Variants in FLNB observed in about 807,000 individuals in gnomAD.
The protein encoded by FLNB is filamin-B.
Under a neutral mutation model 250.6 loss-of-function variants are expected in FLNB, and 111 were observed. That is an observed-to-expected ratio of 0.44 (90% CI 0.38 to 0.52). The LOEUF (loss-of-function observed/expected upper bound fraction) is 0.52, where lower values mean the gene tolerates loss of function less well. Ranked by LOEUF, FLNB falls within the 20% of genes least tolerant of loss-of-function variation. The probability of loss-of-function intolerance (pLI) is 0.00; values close to 1 mark genes in which losing one functional copy is unlikely to be tolerated. For missense variants in FLNB, 2,869 were observed against 3,447.8 expected (o/e 0.83, Z 4.20); for synonymous variants, 1,302 against 1,372.1 (o/e 0.95, Z 1.13).
At chr3:58,098,434 G>A (rs1409008684) in intron 7 of FLNB, among the ~76,000 whole-genome samples, 3 of 152,270 alleles carry the variant, frequency 2.0e-5, no homozygotes, top group Middle Eastern at 3.4e-3. Flanking sequence ...GGGTTCAAGC[G>A]ATTCTCATAC....
At chr3:58,020,048 GGTGTGT>G (rs373280518) in intron 1 of FLNB, among the ~76,000 whole-genome samples, 4,276 of 136,866 alleles carry the variant, frequency 0.031, 91 homozygotes, top group Middle Eastern at 0.045. Context: ...ACACCACAGG[GGTGTGT>G]GTGTGTGTGT....
At chr3:58,128,418 A>T (rs2097301371) in intron 24 of FLNB, among the ~76,000 whole-genome samples, 1 of 152,210 alleles carries the variant, frequency 6.6e-6, no homozygotes, top group African/African-American at 2.4e-5. Context: ...AAATTCCTAT[A>T]ATCACTAGTC....
chr3:58,094,175 G>A (rs759355334), intron 4 of FLNB, among the ~76,000 whole-genome samples: 24 of 152,222 alleles, frequency 1.6e-4, no homozygotes, highest in South Asian at 4.1e-4. Context: ...CACCTCCCTG[G>A]TTCAAGCAAT....
intron 4 of FLNB, among the ~76,000 whole-genome samples, chr3:58,093,899 T>G (rs1420975607): frequency 1.3e-5 from 2 of 152,204 alleles, no homozygotes; most frequent in Non-Finnish European, 2.9e-5. Context: ...ATTCCATTGA[T>G]GTGACGTTAC....
At chr3:58,145,793 G>A in intron 32 of FLNB, 128 bp from the exon 33 acceptor site, 1 of 1,125,038 alleles carries the variant, frequency 8.9e-7, no homozygotes, top group South Asian at 1.2e-5. Flanking sequence ...ATCTCCTTCT[G>A]TCTCTTCATG....
chr3:58,075,787 A>C (rs1175092176), intron 1 of FLNB, among the ~76,000 whole-genome samples: 1 of 152,224 alleles, frequency 6.6e-6, no homozygotes, highest in Non-Finnish European at 1.5e-5. Flanking sequence ...TAAGAGGTGG[A>C]GTCCAGGATA....
chr3:58,159,691 G>T lies in FLNB; in HGVS notation c.7021+5G>T. 6.2e-7 allele frequency: 1 copy of T among 1,612,890 alleles called. No homozygotes were observed. ...ACGTGTCTGAGCTGGAGCCAGGTGA[G>T]CAGGAGGCCTGCTGGGGGGTCCCAG... On this transcript the variant is annotated splice_donor_5th_base_variant and intron_variant, in intron 42 of 45. Coordinates refer to ENST00000295956, the MANE Select transcript of FLNB (RefSeq NM_001457.4).
chr3:58,084,672 C>T (rs1003725944), intron 4 of FLNB, among the ~76,000 whole-genome samples: 2 of 152,114 alleles, frequency 1.3e-5, no homozygotes, highest in Non-Finnish European at 2.9e-5. Flanking sequence ...AGTGTATTCA[C>T]GTTGTTGTGC....
chr3:58,149,631 G>A, intron 36 of FLNB: 1 of 605,018 alleles, frequency 1.7e-6, no homozygotes, highest in Non-Finnish European at 2.9e-6. Context: ...AGGCTTCTGT[G>A]GTCAAAACCA....
intron 1 of FLNB, among the ~76,000 whole-genome samples, chr3:58,035,801 G>T (rs2097137266): frequency 6.6e-6 from 1 of 152,190 alleles, no homozygotes; most frequent in East Asian, 1.9e-4. Flanking sequence ...AGCTAAAGGA[G>T]ACCACTCTTT....
intron 1 of FLNB, among the ~76,000 whole-genome samples, chr3:58,042,941 G>A (rs2097148197): frequency 6.6e-6 from 1 of 152,110 alleles, no homozygotes; most frequent in South Asian, 2.1e-4. Context: ...ATTAATCCCA[G>A]GAGGCCCAAT....
Position 58,100,065 on chromosome 3 carries a change from C to T in FLNB, c.1345+1157C>T, listed in dbSNP as rs560519617. ...TTTCTTAAGACACATTAAAGCCCTC[C>T]GAGGAAGTCCTGTCATTGTATTGTG... is the stretch of plus-strand genomic sequence containing the variant. On this transcript the variant is annotated intron_variant, in intron 8 of 45. Coordinates refer to ENST00000295956, the MANE Select transcript of FLNB (RefSeq NM_001457.4). Among the ~76,000 whole-genome samples the T allele has an allele frequency of 7.2e-5, 11 of 152,048 alleles. No homozygotes were observed. The East Asian group carries it at 7.7e-4, about 11-fold the overall frequency.
intron 43 of FLNB, among the ~76,000 whole-genome samples, chr3:58,167,758 C>T (rs913119647): frequency 6.6e-6 from 1 of 152,362 alleles, no homozygotes; most frequent in Admixed American, 6.5e-5. Context: ...CTCCCTGAGC[C>T]GCAGAGTCAT....
chr3:58,014,028 A>G (rs994053394), intron 1 of FLNB, among the ~76,000 whole-genome samples: 1 of 152,180 alleles, frequency 6.6e-6, no homozygotes, highest in African/African-American at 2.4e-5. Context: ...GATAATAACT[A>G]CCTTCTTAAA....
chr3:58,028,598 A>C (rs1022123538), intron 1 of FLNB, among the ~76,000 whole-genome samples: 5 of 143,926 alleles, frequency 3.5e-5, no homozygotes, highest in African/African-American at 5.7e-5. Flanking sequence ...TCTACCAAAA[A>C]AAATTTTTTT....
intron 1 of FLNB, among the ~76,000 whole-genome samples, chr3:58,056,581 C>G (rs1049222487): frequency 2.0e-5 from 3 of 152,058 alleles, no homozygotes; most frequent in Admixed American, 1.3e-4. Context: ...AAGTATTTGG[C>G]TATGACTAAC....
At chr3:58,050,700 T>C (rs1438249354) in intron 1 of FLNB, among the ~76,000 whole-genome samples, 1 of 152,146 alleles carries the variant, frequency 6.6e-6, no homozygotes, top group Non-Finnish European at 1.5e-5. Context: ...TGACATTCAA[T>C]GTCAGATTAG....
chr3:58,135,900 G>A (rs746456028), intron 27 of FLNB, 79 bp from the exon 28 acceptor site: 48 of 1,465,684 alleles, frequency 3.3e-5, no homozygotes, highest in Non-Finnish European at 4.4e-5. Context: ...GGCACTAATT[G>A]GAAAATATGT....
chr3:58,080,609 C>G (rs561045444), intron 3 of FLNB, among the ~76,000 whole-genome samples: 1 of 150,588 alleles, frequency 6.6e-6, no homozygotes, highest in East Asian at 1.9e-4. Flanking sequence ...ATTCTCCTGT[C>G]TCAGCCTCCC....
Sources: allele counts gnomAD v4.1 joint callset (sites outside exome capture counted in the v4.1 genomes callset), GRCh38; gene constraint gnomAD v4.1.1; transcripts MANE v1.5; gene names NCBI Gene and HGNC (gene_info 2026-07-23, HGNC 2026-07-21).